ATG4C: variants seen among roughly 807,000 people sequenced by gnomAD.
ATG4C encodes the protein autophagy related 4C cysteine peptidase, also known as cysteine protease ATG4C.
Under a neutral mutation model 57.6 loss-of-function variants are expected in ATG4C, and 56 were observed. That is an observed-to-expected ratio of 0.97 (90% confidence interval 0.78 to 1.21). The LOEUF (loss-of-function observed/expected upper bound fraction) is 1.21. Among genes scored for constraint, ATG4C ranks in the 50% most tolerant of loss-of-function variants. ATG4C has a pLI of 0.00. For synonymous variants in ATG4C, 157 were observed against 174.1 expected (o/e 0.90, Z 0.78); for missense variants, 595 against 529.8 (o/e 1.12, Z -1.21).
At chr1:62,801,958 C>CAAAAAAAAAAAAAAAA (rs60298362) in intron 1 of ATG4C, among the ~76,000 whole-genome samples, 7 of 51,888 alleles carry the variant, frequency 1.3e-4, no homozygotes, top group African/African-American at 4.4e-4. Context: ...ACTCTGTCTC[C>CAAAAAAAAAAAAAAAA]AAAAAAAAAA....
chr1:62,832,998 G>T (rs776488247), intron 7 of ATG4C, among the ~76,000 whole-genome samples: 4 of 152,058 alleles, frequency 2.6e-5, no homozygotes, highest in African/African-American at 9.7e-5. Flanking sequence ...ATGTTAAGAA[G>T]GTGTTCCCCC....
chr1:62,860,331 A>G (rs1666813416), intron 10 of ATG4C, among the ~76,000 whole-genome samples: 1 of 152,234 alleles, frequency 6.6e-6, no homozygotes, highest in South Asian at 2.1e-4. Flanking sequence ...AATAATAAAA[A>G]ATTGTATAGT....
intron 10 of ATG4C, among the ~76,000 whole-genome samples, chr1:62,861,861 A>C (rs1219911431): frequency 6.6e-6 from 1 of 152,082 alleles, no homozygotes; most frequent in Non-Finnish European, 1.5e-5. Flanking sequence ...AGATAGCCTA[A>C]ATTGTATTTT....
rs539466420 is a variant in ATG4C, at chr1:62,825,835, C to T, written c.797-3205C>T. 6.6e-5 allele frequency among the ~76,000 whole-genome samples: 10 copies of T among 152,266 alleles called. No individual in the cohort carries two copies. The South Asian group carries it at 2.1e-3, about 32-fold the overall frequency. ...GCTTAAACCAAAACCCTTCAAATCA[C>T]CTGTGACTCAATTTTTTCTCTCACA... On this transcript the variant is annotated intron_variant, in intron 6 of 10. Coordinates refer to ENST00000317868, the MANE Select transcript of ATG4C (RefSeq NM_032852.4).
At chr1:62,803,608 T>A in intron 1 of ATG4C, 111 bp from the exon 2 acceptor site, 1 of 387,054 alleles carries the variant, frequency 2.6e-6, no homozygotes, top group Non-Finnish European at 4.7e-6. Flanking sequence ...AGAAATTGTT[T>A]TGTTCATTTG....
At chr1:62,850,126 T>G (rs1369289221) in intron 10 of ATG4C, among the ~76,000 whole-genome samples, 2 of 152,148 alleles carry the variant, frequency 1.3e-5, no homozygotes, top group African/African-American at 4.8e-5. Flanking sequence ...GAAAATAATT[T>G]GGTTACTAAA....
intron 3 of ATG4C, among the ~76,000 whole-genome samples, chr1:62,809,387 G>A (rs575793795): frequency 2.7e-5 from 4 of 146,688 alleles, no homozygotes; most frequent in Non-Finnish European, 6.0e-5. Context: ...TATAGTAAAT[G>A]TATATATGTT....
At chr1:62,810,756 A>G (rs1282168767) in intron 3 of ATG4C, among the ~76,000 whole-genome samples, 1 of 151,252 alleles carries the variant, frequency 6.6e-6, no homozygotes, top group Non-Finnish European at 1.5e-5. Flanking sequence ...AGAGACCATA[A>G]TCTGAGTGCA....
At chr1:62,852,881 C>T (rs1666561585) in intron 10 of ATG4C, among the ~76,000 whole-genome samples, 1 of 151,922 alleles carries the variant, frequency 6.6e-6, no homozygotes. Context: ...TCACTCTCAC[C>T]TTAACTGTTC....
chr1:62,791,374 A>G (rs566242704), intron 1 of ATG4C, among the ~76,000 whole-genome samples: 99 of 152,332 alleles, frequency 6.5e-4, no homozygotes, highest in African/African-American at 2.3e-3. Flanking sequence ...AAGAGTAACT[A>G]ATATAATGGG....
chr1:62,811,385 A>G (rs1369693567), intron 3 of ATG4C, among the ~76,000 whole-genome samples: 1 of 152,178 alleles, frequency 6.6e-6, no homozygotes, highest in African/African-American at 2.4e-5. Context: ...TGTATTATGC[A>G]GTTTTTCCTT....
chr1:62,797,441 A>C (rs1664508818), intron 1 of ATG4C, among the ~76,000 whole-genome samples: 1 of 152,212 alleles, frequency 6.6e-6, no homozygotes, highest in Admixed American at 6.5e-5. Flanking sequence ...TAATAATTTG[A>C]GAAATAGTTA....
Position 62,834,839 on chromosome 1 carries a change from A to G in ATG4C, c.1076A>G (p.Asp359Gly). The G allele has an allele frequency of 6.2e-7, 1 of 1,611,908 alleles. No homozygotes were observed. Among genetic ancestry groups the G allele is most frequent in the Non-Finnish European group, 8.5e-7 (1 of 1,178,520 alleles). ...CQSFVDVSIK[D>G]FPLETFHCPS... ...TCTTTTGTAGATGTCAGCATAAAGGATTTCCCTCTTGAGGTACTGTGGATA... is the reference window on the plus strand; with the variant it reads ...TCTTTTGTAGATGTCAGCATAAAGGGTTTCCCTCTTGAGGTACTGTGGATA... Residue 359 changes from aspartate (D) to glycine (G), a missense_variant, in exon 9 of 11, where the codon GAT (aspartate) becomes GGT (glycine). Transcript: ENST00000317868.
At chr1:62,788,461 C>G (rs1293068683) in intron 1 of ATG4C, among the ~76,000 whole-genome samples, 1 of 146,892 alleles carries the variant, frequency 6.8e-6, no homozygotes, top group African/African-American at 2.6e-5. Flanking sequence ...ACACACACAC[C>G]TTTTTTTCTT....
At chr1:62,852,974 A>G (rs1019164649) in intron 10 of ATG4C, among the ~76,000 whole-genome samples, 1 of 152,032 alleles carries the variant, frequency 6.6e-6, no homozygotes, top group Middle Eastern at 3.2e-3. Flanking sequence ...TGAATCTTTT[A>G]GTTTATTCCT....
At chr1:62,847,660 T>G (rs1397852981) in intron 10 of ATG4C, among the ~76,000 whole-genome samples, 7 of 152,172 alleles carry the variant, frequency 4.6e-5, no homozygotes, top group Admixed American at 4.6e-4. Flanking sequence ...GAGTTTCATG[T>G]CTTGCTTTAA....
chr1:62,794,141 A>G (rs1664385297), intron 1 of ATG4C, among the ~76,000 whole-genome samples: 1 of 152,218 alleles, frequency 6.6e-6, no homozygotes, highest in African/African-American at 2.4e-5. Context: ...CTTCAAGTAC[A>G]TGATTGAGGT....
chr1:62,847,390 A>G (rs973603333), intron 10 of ATG4C, among the ~76,000 whole-genome samples: 2 of 152,224 alleles, frequency 1.3e-5, no homozygotes, highest in Non-Finnish European at 2.9e-5. Context: ...CTTATAGTCC[A>G]GTGGACATTA....
chr1:62,784,804 A>G (rs1178568695), intron 1 of ATG4C, among the ~76,000 whole-genome samples: 1 of 151,998 alleles, frequency 6.6e-6, no homozygotes, highest in Non-Finnish European at 1.5e-5. Flanking sequence ...CATTCACTTC[A>G]TTTGGTTCCC....
Sources: allele counts gnomAD v4.1 joint callset (sites outside exome capture counted in the v4.1 genomes callset), GRCh38; gene constraint gnomAD v4.1.1; transcripts MANE v1.5; gene names NCBI Gene and HGNC (gene_info 2026-07-23, HGNC 2026-07-21).